Variants in ZNF469 observed in about 807,000 individuals in gnomAD.
The protein encoded by ZNF469 is zinc finger protein 469.
ZNF469 carries 1 observed loss-of-function variant against 1.0 expected under a neutral mutation model. The observed-to-expected ratio is 1.00, with a 90% confidence interval of 0.35 to 4.73. The LOEUF is 4.73. ZNF469 is among the 30% of genes most tolerant of loss of function. The pLI is 0.16. For missense variants in ZNF469, 6,100 were observed against 5,356.3 expected (o/e 1.14, Z -4.33); for synonymous variants, 2,703 against 2,363.4 (o/e 1.14, Z -4.17).
the ZNF469 span, among the ~76,000 whole-genome samples, chr16:88,209,872 C>A: frequency 3.3e-5 from 5 of 152,200 alleles, no homozygotes; most frequent in Admixed American, 2.6e-4. Flanking sequence ...ATGAATAAAC[C>A]TGTGCATCTG....
At chr16:88,305,374 G>T in the ZNF469 span, among the ~76,000 whole-genome samples, 2 of 88,408 alleles carry the variant, frequency 2.3e-5, no homozygotes, top group Non-Finnish European at 4.5e-5. Context: ...ACAGGCACAC[G>T]CATGCACACC....
the ZNF469 span, among the ~76,000 whole-genome samples, chr16:88,287,385 T>A: frequency 0.15 from 23,278 of 152,102 alleles, 4,482 homozygotes; most frequent in African/African-American, 0.45. Context: ...CATGTTGCAT[T>A]GTAGACAGTG....
At chr16:88,245,598 G>A in the ZNF469 span, among the ~76,000 whole-genome samples, 3,171 of 152,294 alleles carry the variant, frequency 0.021, 39 homozygotes, top group African/African-American at 0.073. Flanking sequence ...ACCACGTGAC[G>A]GTCACCTTCC....
At chr16:88,134,443 T>C in the ZNF469 span, among the ~76,000 whole-genome samples, 2 of 152,202 alleles carry the variant, frequency 1.3e-5, no homozygotes, top group Non-Finnish European at 2.9e-5. Context: ...CACAAACCCC[T>C]TATGGATGGG....
chr16:88,193,128 GGT>G, the ZNF469 span, among the ~76,000 whole-genome samples: 2 of 84,732 alleles, frequency 2.4e-5, no homozygotes, highest in African/African-American at 9.0e-5. Context: ...TGGTGGTGGT[GGT>G]GATGGTGGTG....
At chr16:88,182,036 C>G in the ZNF469 span, among the ~76,000 whole-genome samples, 1 of 152,176 alleles carries the variant, frequency 6.6e-6, no homozygotes, top group African/African-American at 2.4e-5. Context: ...AGCAAAGTTG[C>G]TGGACATAAG....
chr16:88,244,544 G>T, the ZNF469 span, among the ~76,000 whole-genome samples: 2 of 151,246 alleles, frequency 1.3e-5, no homozygotes, highest in Admixed American at 1.3e-4. Flanking sequence ...TGGATGGGCA[G>T]GTGCATGGCT....
chr16:88,245,177 C>G, the ZNF469 span, among the ~76,000 whole-genome samples: 1 of 152,158 alleles, frequency 6.6e-6, no homozygotes, highest in Non-Finnish European at 1.5e-5. Flanking sequence ...CAAGTCCTTC[C>G]TGATGAAGAT....
At chr16:88,123,633 CCAAACCCT>C in the ZNF469 span, among the ~76,000 whole-genome samples, 2 of 151,876 alleles carry the variant, frequency 1.3e-5, no homozygotes, top group African/African-American at 2.4e-5. Flanking sequence ...ATCAGCAGCG[CCAAACCCT>C]TGCCAAAGGG....
the ZNF469 span, among the ~76,000 whole-genome samples, chr16:88,206,451 A>G: frequency 6.6e-6 from 1 of 152,148 alleles, no homozygotes; most frequent in East Asian, 1.9e-4. Flanking sequence ...GCCCTTTCAT[A>G]ACCGCAGCTC....
the ZNF469 span, among the ~76,000 whole-genome samples, chr16:88,363,640 G>A: frequency 2.7e-4 from 41 of 152,152 alleles, no homozygotes; most frequent in Non-Finnish European, 5.4e-4. Context: ...TCTGTCTTCT[G>A]GTTTTTCCAC....
rs1906450508 is a variant in ZNF469, at chr16:88,434,764, C to T, written c.7294C>T (p.Gln2432Ter). 6 of 1,550,288 alleles carry T rather than the reference C, an allele frequency of 3.9e-6. No homozygotes were observed. The highest frequency in any genetic ancestry group is 5.2e-6 in the Non-Finnish European group (6 of 1,146,980). The change falls in exon 3 of 3, where the codon CAG becomes TAG. Residue 2432 changes from glutamine (Q) to a stop codon, truncating the protein, a stop_gained. Coordinates refer to ENST00000565624, the MANE Select transcript of ZNF469 (RefSeq NM_001367624.2). LOFTEE classifies it low-confidence loss of function (END_TRUNC). ...SPQSHRNASHQTPQGDPLGPQ... is the reference protein window; with the variant it reads ...SPQSHRNASH The stretch of plus-strand genomic sequence containing the variant: ...CCAAAGCCACAGAAATGCCTCCCAC[C>T]AGACTCCCCAGGGGGACCCCCTCGG...
the ZNF469 span, among the ~76,000 whole-genome samples, chr16:88,245,849 A>G: frequency 1.3e-5 from 2 of 152,272 alleles, no homozygotes; most frequent in African/African-American, 4.8e-5. Flanking sequence ...CCAGACATTG[A>G]GCGTGCCTGG....
the ZNF469 span, among the ~76,000 whole-genome samples, chr16:88,228,083 C>A: frequency 6.6e-6 from 1 of 152,272 alleles, no homozygotes; most frequent in African/African-American, 2.4e-5. Flanking sequence ...GGCCCCCGAT[C>A]CAGTATGACC....
chr16:88,372,777 TCAC>T, the ZNF469 span, among the ~76,000 whole-genome samples: 2 of 150,206 alleles, frequency 1.3e-5, no homozygotes, highest in Admixed American at 6.6e-5. Context: ...TTCACCATCA[TCAC>T]CACCATCATC....
At chr16:88,222,953 G>A in the ZNF469 span, among the ~76,000 whole-genome samples, 1 of 152,214 alleles carries the variant, frequency 6.6e-6, no homozygotes, top group Non-Finnish European at 1.5e-5. Flanking sequence ...CAGCACCTGG[G>A]TTCCATGCTA....
At chr16:88,152,750 T>C in the ZNF469 span, among the ~76,000 whole-genome samples, 1 of 152,156 alleles carries the variant, frequency 6.6e-6, no homozygotes, top group Non-Finnish European at 1.5e-5. This position sits in a 1 kb window ranked among gnomAD's most constrained non-coding sequence, Gnocchi z 4.2. Flanking sequence ...AACTGTCCCT[T>C]TCTGGGAAGG....
At chr16:88,300,671 G>A in the ZNF469 span, among the ~76,000 whole-genome samples, 68 of 152,148 alleles carry the variant, frequency 4.5e-4, no homozygotes, top group Non-Finnish European at 7.6e-4. Context: ...TGAGTCGTGA[G>A]TGGGCCGCCT....
intron 1 of ZNF469, among the ~76,000 whole-genome samples, chr16:88,419,305 G>A (rs942212655): frequency 9.9e-5 from 15 of 152,188 alleles, no homozygotes; most frequent in Non-Finnish European, 1.8e-4. Context: ...GCCAGAGGCC[G>A]GAGGGAACCG....
Sources: allele counts gnomAD v4.1 joint callset (sites outside exome capture counted in the v4.1 genomes callset), GRCh38; gene constraint gnomAD v4.1.1; non-coding constraint Gnocchi (gnomAD v3.1); transcripts MANE v1.5; gene names NCBI Gene and HGNC (gene_info 2026-07-23, HGNC 2026-07-21).